The following NCK2 variants were observed in gnomAD, a reference collection of about 807,000 sequenced individuals.
NCK2 encodes the protein cytoplasmic protein NCK2.
NCK2 carries 16 observed loss-of-function variants against 33.9 expected under a neutral mutation model. The ratio of observed to expected loss-of-function variants is 0.47; its 90% CI spans 0.32 to 0.72. NCK2 has a LOEUF of 0.72. Among genes scored for constraint, NCK2 ranks in the 30% least tolerant of loss-of-function variants. The pLI, the probability that NCK2 is intolerant of heterozygous loss-of-function variation, is 0.03. For missense variants in NCK2, 418 were observed against 537.3 expected (o/e 0.78, Z 2.19); for synonymous variants, 273 against 239.9 (o/e 1.14, Z -1.27).
At chr2:105,758,235 T>C (rs577315730) in intron 1 of NCK2, among the ~76,000 whole-genome samples, 3 of 152,288 alleles carry the variant, frequency 2.0e-5, no homozygotes, top group Admixed American at 6.5e-5. Flanking sequence ...ACATTTGATA[T>C]AGAGATGTAA....
At chr2:105,829,310 T>G (rs1202296678) in intron 2 of NCK2, among the ~76,000 whole-genome samples, 1 of 152,180 alleles carries the variant, frequency 6.6e-6, no homozygotes. Context: ...AGAAGTTATT[T>G]TAGAACACTT....
chr2:105,747,494 C>T (rs927438103), intron 1 of NCK2, among the ~76,000 whole-genome samples: 10 of 152,244 alleles, frequency 6.6e-5, no homozygotes, highest in African/African-American at 2.2e-4. Flanking sequence ...ACTGGCTTGC[C>T]GTGTGCACTG....
chr2:105,798,098 G>A (rs1691151466), intron 1 of NCK2, among the ~76,000 whole-genome samples: 2 of 152,194 alleles, frequency 1.3e-5, no homozygotes, highest in Admixed American at 6.5e-5. Flanking sequence ...TCCAGAAGAT[G>A]TGTTTTTGAA....
intron 1 of NCK2, among the ~76,000 whole-genome samples, chr2:105,763,472 A>G (rs1297992162): frequency 6.6e-6 from 1 of 152,242 alleles, no homozygotes; most frequent in Non-Finnish European, 1.5e-5. Context: ...AAGAGAATAT[A>G]GAAAGAATTT....
intron 2 of NCK2, among the ~76,000 whole-genome samples, chr2:105,823,043 C>T (rs755442214): frequency 1.3e-5 from 2 of 151,836 alleles, no homozygotes; most frequent in African/African-American, 4.9e-5. Context: ...TTGAAATGAG[C>T]GCATTGCTGC....
intron 1 of NCK2, among the ~76,000 whole-genome samples, chr2:105,752,650 C>A (rs1689486927): frequency 1.3e-5 from 2 of 152,144 alleles, no homozygotes; most frequent in Non-Finnish European, 1.5e-5. Context: ...AAATAACATA[C>A]ATTGTACCCA....
At chr2:105,867,020 C>T (rs1677793682) in intron 3 of NCK2, among the ~76,000 whole-genome samples, 1 of 152,168 alleles carries the variant, frequency 6.6e-6, no homozygotes, top group Non-Finnish European at 1.5e-5. Flanking sequence ...ATCCTACATA[C>T]CATTCAGACA....
intron 2 of NCK2, among the ~76,000 whole-genome samples, chr2:105,851,558 G>T (rs1238659157): frequency 6.6e-6 from 1 of 152,240 alleles, no homozygotes; most frequent in East Asian, 1.9e-4. Flanking sequence ...CACCCGGCCA[G>T]AGCTGAGCTT....
intron 1 of NCK2, among the ~76,000 whole-genome samples, chr2:105,749,873 A>T (rs561279237): frequency 6.6e-6 from 1 of 152,186 alleles, no homozygotes; most frequent in South Asian, 2.1e-4. Context: ...TTAAGAGAAT[A>T]ACACACAGAG....
intron 3 of NCK2, among the ~76,000 whole-genome samples, chr2:105,865,788 G>A (rs1417336175): frequency 6.6e-6 from 1 of 152,106 alleles, no homozygotes; most frequent in African/African-American, 2.4e-5. Context: ...TTTGTCATCA[G>A]TTTCTTTGTA....
Position 105,781,067 on chromosome 2 carries a change from T to C in NCK2, c.-200-35363T>C, listed in dbSNP as rs534135482. Among the ~76,000 whole-genome samples, 6 of 152,290 alleles carry C rather than the reference T, an allele frequency of 3.9e-5. No individual in the cohort carries two copies. In the South Asian group the frequency reaches 1.2e-3, roughly 32 times the overall value. ...GTCTTCCTGTCTTCTTGCTTTCAGA[T>C]TTTTCTCCCTCCCACCCACCTATTC... On this transcript the variant is annotated intron_variant, in intron 1 of 4. Transcript: ENST00000233154.
chr2:105,780,488 A>G (rs1690456921), intron 1 of NCK2, among the ~76,000 whole-genome samples: 1 of 152,162 alleles, frequency 6.6e-6, no homozygotes, highest in African/African-American at 2.4e-5. Flanking sequence ...CCTGTGTCAC[A>G]TCCATATAGA....
chr2:105,791,581 C>G (rs902081853), intron 1 of NCK2, among the ~76,000 whole-genome samples: 1 of 152,200 alleles, frequency 6.6e-6, no homozygotes, highest in Non-Finnish European at 1.5e-5. Context: ...TTTTAGAGCA[C>G]TCTTGTGTTC....
chr2:105,870,738 G>T (rs1055199088), intron 3 of NCK2, among the ~76,000 whole-genome samples: 2 of 150,204 alleles, frequency 1.3e-5, no homozygotes, highest in Non-Finnish European at 3.0e-5. Flanking sequence ...GTGACACAGT[G>T]AGACCCTGTC....
At chr2:105,840,859 T>C (rs1676614717) in intron 2 of NCK2, among the ~76,000 whole-genome samples, 1 of 152,220 alleles carries the variant, frequency 6.6e-6, no homozygotes, top group South Asian at 2.1e-4. Context: ...AATGAACAGC[T>C]GTTACCACCA....
chr2:105,881,819 G>T lies in NCK2; in HGVS notation c.718G>T (p.Ala240Ser), dbSNP rs765594937. 10 of 1,609,384 alleles carry T rather than the reference G, an allele frequency of 6.2e-6. No individual in the cohort carries two copies. Among genetic ancestry groups the T allele is most frequent in the African/African-American group, 1.3e-5 (1 of 74,860 alleles). ...CCCCGAGTGGTGGAAATGCAAAAAT[G>T]CCCGGGGCCAGGTGGGCCTCGTCCC... ...NDPEWWKCKN[A>S]RGQVGLVPKN... Residue 240 changes from alanine (A) to serine (S), a missense_variant, in exon 4 of 5, where the codon GCC becomes TCC. Transcript: ENST00000233154.
intron 1 of NCK2, among the ~76,000 whole-genome samples, chr2:105,746,939 T>G (rs558205544): frequency 2.6e-4 from 40 of 152,196 alleles, no homozygotes; most frequent in Non-Finnish European, 4.7e-4. Flanking sequence ...ATTCTGAGCT[T>G]CTTTCCTGCT....
At chr2:105,816,976 G>A (rs1675514914) in intron 2 of NCK2, among the ~76,000 whole-genome samples, 1 of 152,122 alleles carries the variant, frequency 6.6e-6, no homozygotes, top group Admixed American at 6.5e-5. Context: ...TTCAGTCTAG[G>A]AAAAGTTGGA....
At chr2:105,800,035 C>T (rs1391564219) in intron 1 of NCK2, among the ~76,000 whole-genome samples, 1 of 152,192 alleles carries the variant, frequency 6.6e-6, no homozygotes, top group East Asian at 1.9e-4. Flanking sequence ...CATCTTTGTT[C>T]ATGTGGTATC....
Sources: gnomAD v4.1 joint callset for allele counts (sites outside exome capture counted in the v4.1 genomes callset) on GRCh38, gnomAD v4.1.1 for gene constraint, MANE v1.5 for transcripts, NCBI Gene and HGNC (gene_info 2026-07-23, HGNC 2026-07-21) for gene names.